IQSEC1: variants seen among roughly 807,000 people sequenced by gnomAD.
The protein encoded by IQSEC1 is IQ motif and Sec7 domain ArfGEF 1.
In IQSEC1, 31 loss-of-function variants were observed where a neutral mutation model predicts 91.0. That is an observed-to-expected ratio of 0.34 (90% CI 0.26 to 0.46). The LOEUF (loss-of-function observed/expected upper bound fraction) is 0.46, where lower values mean the gene tolerates loss of function less well. Among genes scored for constraint, IQSEC1 ranks in the 20% least tolerant of loss-of-function variants. IQSEC1 has a pLI of 1.00. For synonymous variants in IQSEC1, 699 were observed against 662.6 expected (o/e 1.05, Z -0.84); for missense variants, 1,388 against 1,575.6 (o/e 0.88, Z 2.02).
chr3:13,080,778 G>A (rs985225402), intron 2 of IQSEC1, among the ~76,000 whole-genome samples: 24 of 152,106 alleles, frequency 1.6e-4, no homozygotes, highest in African/African-American at 5.6e-4. Flanking sequence ...CCGCCCTGCC[G>A]CTGTTCCAGG....
At chr3:13,181,184 T>C (rs1468716738) in intron 1 of IQSEC1, among the ~76,000 whole-genome samples, 1 of 152,166 alleles carries the variant, frequency 6.6e-6, no homozygotes, top group East Asian at 1.9e-4. Context: ...GGCAGGAGAA[T>C]GGCGCAAACT....
At chr3:13,215,808 G>A (rs935331163) in intron 1 of IQSEC1, among the ~76,000 whole-genome samples, 24 of 152,318 alleles carry the variant, frequency 1.6e-4, no homozygotes, top group Middle Eastern at 6.8e-3. Flanking sequence ...GGAGCAGCTG[G>A]GCTGAGAGGA....
intron 8 of IQSEC1, 82 bp from the exon 9 acceptor site, chr3:12,913,635 C>G (rs1323493669): frequency 1.4e-6 from 2 of 1,437,156 alleles, no homozygotes; most frequent in African/African-American, 2.9e-5. Flanking sequence ...AAGTCTAGCC[C>G]TTCAAGCTAG....
chr3:13,213,392 G>A (rs1262954675), intron 1 of IQSEC1, among the ~76,000 whole-genome samples: 1 of 151,992 alleles, frequency 6.6e-6, no homozygotes, highest in Non-Finnish European at 1.5e-5. Context: ...TTCCTGTTTC[G>A]GTACCATATA....
chr3:12,934,809 T>A (rs974052501), intron 3 of IQSEC1, among the ~76,000 whole-genome samples: 2 of 152,072 alleles, frequency 1.3e-5, no homozygotes, highest in Non-Finnish European at 2.9e-5. Context: ...CAGGACCCCC[T>A]TGGGGAGCAG....
At chr3:12,962,631 G>A (rs1013747276) in intron 1 of IQSEC1, among the ~76,000 whole-genome samples, 4 of 152,336 alleles carry the variant, frequency 2.6e-5, no homozygotes, top group East Asian at 1.9e-4. Flanking sequence ...TGTCATGTTC[G>A]CATGGGTCCC....
At chr3:12,950,734 C>T (rs545755576) in intron 1 of IQSEC1, among the ~76,000 whole-genome samples, 6 of 152,090 alleles carry the variant, frequency 3.9e-5, no homozygotes, top group Admixed American at 2.0e-4. Context: ...GCTTCACCCC[C>T]GGGGTTCATG....
intron 1 of IQSEC1, among the ~76,000 whole-genome samples, chr3:13,281,604 G>A (rs1324976645): frequency 6.6e-6 from 1 of 152,126 alleles, no homozygotes; most frequent in Non-Finnish European, 1.5e-5. Context: ...GGCCACAGTC[G>A]CTGCAGCCCC....
Position 12,901,027 on chromosome 3 carries a change from T to TGGG in IQSEC1, c.3298_3300dup (p.Pro1100dup). The stretch of plus-strand genomic sequence containing the variant: ...CCGCTGGGTTTGGCCTTGCTGCTGG[T>TGGG]GGGGGGCGGCGGGGCAGGGGGCTGC... On this transcript the variant is annotated inframe_insertion, in exon 14 of 14. Transcript: ENST00000613206. 1.4e-6 allele frequency: 2 copies of TGGG among 1,410,532 alleles called. No individual in the cohort carries two copies. The highest frequency in any genetic ancestry group is 1.9e-6 in the Non-Finnish European group (2 of 1,062,506). 87.4% of individuals were successfully genotyped at this position (1,410,532 alleles called of 1,614,324 possible).
intron 1 of IQSEC1, among the ~76,000 whole-genome samples, chr3:13,232,527 C>T (rs527635837): frequency 1.3e-5 from 2 of 152,054 alleles, no homozygotes; most frequent in Admixed American, 6.6e-5. Context: ...AGGCCTCTCA[C>T]GGGGTGGTGA....
At chr3:12,968,739 A>T (rs1410469346) in intron 1 of IQSEC1, among the ~76,000 whole-genome samples, 4 of 152,226 alleles carry the variant, frequency 2.6e-5, no homozygotes, top group African/African-American at 7.2e-5. Flanking sequence ...CAGATATGGA[A>T]CAATCAAAAC....
At chr3:13,221,104 C>T (rs1694651036) in intron 1 of IQSEC1, among the ~76,000 whole-genome samples, 1 of 152,118 alleles carries the variant, frequency 6.6e-6, no homozygotes, top group South Asian at 2.1e-4. Flanking sequence ...CTGGAAGGAC[C>T]CTATAGTGTG....
intron 1 of IQSEC1, among the ~76,000 whole-genome samples, chr3:13,040,838 G>A (rs1273899334): frequency 6.6e-6 from 1 of 152,060 alleles, no homozygotes; most frequent in East Asian, 1.9e-4. Flanking sequence ...CCTCCATGAA[G>A]CCCCCGCACC....
chr3:12,987,072 C>CCGTCCCCCATCTGGTGCTG (rs1701774844), intron 1 of IQSEC1: 1 of 392,322 alleles, frequency 2.5e-6, no homozygotes. Flanking sequence ...GCTCCCTCAG[C>CCGTCCCCCATCTGGTGCTG]CGTCCCCCAT....
At chr3:13,274,579 C>G (rs1176948627) in intron 1 of IQSEC1, among the ~76,000 whole-genome samples, 1 of 152,258 alleles carries the variant, frequency 6.6e-6, no homozygotes, top group African/African-American at 2.4e-5. Context: ...GAGGGGCCCC[C>G]ATCCCAACCC....
chr3:12,945,530 CAA>C (rs1264625719), intron 1 of IQSEC1, among the ~76,000 whole-genome samples: 40 of 119,176 alleles, frequency 3.4e-4, no homozygotes, highest in African/African-American at 3.0e-4. Context: ...TTCCACACTC[CAA>C]AAAAAAAAAA....
chr3:13,253,805 G>A (rs188588631), intron 1 of IQSEC1, among the ~76,000 whole-genome samples: 1 of 152,308 alleles, frequency 6.6e-6, no homozygotes, highest in Non-Finnish European at 1.5e-5. Flanking sequence ...TGACGAAGAG[G>A]TAACCCAGCA....
intron 6 of IQSEC1, among the ~76,000 whole-genome samples, chr3:12,919,750 C>T (rs1202065881): frequency 6.6e-6 from 1 of 152,260 alleles, no homozygotes; most frequent in African/African-American, 2.4e-5. Context: ...CGGTGCCTTC[C>T]TCCTTCCTTC....
At chr3:13,234,503 A>G (rs1326594777) in intron 1 of IQSEC1, among the ~76,000 whole-genome samples, 1 of 152,150 alleles carries the variant, frequency 6.6e-6, no homozygotes, top group East Asian at 1.9e-4. Flanking sequence ...CCCTTCCCTG[A>G]AACACCTGAA....
Sources: allele counts gnomAD v4.1 joint callset (sites outside exome capture counted in the v4.1 genomes callset), GRCh38; gene constraint gnomAD v4.1.1; transcripts MANE v1.5; gene names NCBI Gene and HGNC (gene_info 2026-07-23, HGNC 2026-07-21).